Variants in SNTG2 observed in about 807,000 individuals in gnomAD.
SNTG2 encodes gamma-2-syntrophin.
A neutral mutation model predicts 70.9 loss-of-function variants in SNTG2; 74 were observed. The observed-to-expected ratio is 1.04, with a 90% CI of 0.86 to 1.27. The LOEUF (loss-of-function observed/expected upper bound fraction) is 1.27, where lower values mean the gene tolerates loss of function less well. SNTG2 is among the 50% of genes most tolerant of loss of function. The pLI, the probability that SNTG2 is intolerant of heterozygous loss-of-function variation, is 0.00. For synonymous variants in SNTG2, 278 were observed against 273.8 expected, an observed-to-expected ratio of 1.02 and a Z score of -0.15; for missense variants, 717 against 690.7, an observed-to-expected ratio of 1.04 and a Z score of -0.43.
chr2:1,131,130 C>T (rs899157749), intron 4 of SNTG2, among the ~76,000 whole-genome samples: 14 of 152,138 alleles, frequency 9.2e-5, no homozygotes, highest in East Asian at 3.8e-4. Flanking sequence ...GTGGGGTTGA[C>T]GCAGGTTTCC....
chr2:1,286,918 T>C (rs986045473), intron 14 of SNTG2, among the ~76,000 whole-genome samples: 1 of 152,202 alleles, frequency 6.6e-6, no homozygotes, highest in African/African-American at 2.4e-5. Context: ...GTGGCTGTCA[T>C]GACTTGCTCA....
At chr2:990,176 C>A (rs560901208) in intron 1 of SNTG2, among the ~76,000 whole-genome samples, 1 of 152,376 alleles carries the variant, frequency 6.6e-6, no homozygotes, top group Non-Finnish European at 1.5e-5. Context: ...GTTCTCACTG[C>A]CATCAGAGGG....
intron 15 of SNTG2, among the ~76,000 whole-genome samples, chr2:1,314,526 C>T (rs553146258): frequency 7.9e-5 from 12 of 152,184 alleles, no homozygotes; most frequent in Admixed American, 5.9e-4. Flanking sequence ...TCGGGCAGCT[C>T]CCTCACTGGG....
chr2:1,205,294 G>A (rs1416983150), intron 8 of SNTG2, among the ~76,000 whole-genome samples: 1 of 152,156 alleles, frequency 6.6e-6, no homozygotes, highest in Non-Finnish European at 1.5e-5. Flanking sequence ...TTCATTTCCA[G>A]TAACTTTATA....
chr2:1,144,235 AG>A lies in SNTG2; in HGVS notation c.411+6429del, dbSNP rs542357311. The stretch of plus-strand genomic sequence containing the variant: ...CTTTCTGCTTTGAGAAGGGAAATGG[AG>A]GGTTGCTGAGTTGACAACGGACAAC... On this transcript the variant is annotated intron_variant, in intron 6 of 16. Transcript: ENST00000308624. Among the ~76,000 whole-genome samples, 155 of 152,288 alleles carry A rather than the reference AG, an allele frequency of 1.0e-3. 1 individual carries two copies. The highest frequency in any genetic ancestry group is 3.5e-3 in the African/African-American group (147 of 41,556).
intron 14 of SNTG2, among the ~76,000 whole-genome samples, chr2:1,293,940 C>T (rs899952867): frequency 9.9e-5 from 15 of 152,154 alleles, no homozygotes; most frequent in African/African-American, 3.6e-4. Context: ...GTCCTCTAAG[C>T]CTGTGGACTA....
intron 1 of SNTG2, among the ~76,000 whole-genome samples, chr2:1,023,531 C>T (rs1254834901): frequency 2.0e-5 from 3 of 152,044 alleles, no homozygotes; most frequent in African/African-American, 7.2e-5. Flanking sequence ...AAGTTTTATA[C>T]TTAAATGGGT....
intron 11 of SNTG2, among the ~76,000 whole-genome samples, chr2:1,243,941 G>A (rs1028794758): frequency 2.5e-4 from 38 of 152,162 alleles, no homozygotes; most frequent in African/African-American, 8.9e-4. Context: ...CAGGAGAATC[G>A]CTTCAACCCT....
chr2:1,316,641 A>G (rs1220347964), intron 16 of SNTG2, among the ~76,000 whole-genome samples: 1 of 152,260 alleles, frequency 6.6e-6, no homozygotes, highest in Admixed American at 6.5e-5. Context: ...CTGATTAAGC[A>G]TCTGAAATCC....
At chr2:1,177,804 G>A (rs140900544) in intron 8 of SNTG2, among the ~76,000 whole-genome samples, 7 of 152,160 alleles carry the variant, frequency 4.6e-5, no homozygotes, top group Admixed American at 2.0e-4. Flanking sequence ...CACTTCTTGA[G>A]GTGATAAAAG....
At chr2:1,259,538 A>G in intron 13 of SNTG2, 97 bp downstream of exon 13, 1 of 1,009,296 alleles carries the variant, frequency 9.9e-7, no homozygotes, top group Non-Finnish European at 1.5e-6. Context: ...GTCCATTGAA[A>G]TAGTAAAATT....
At chr2:955,199 G>C (rs1660102585) in intron 1 of SNTG2, among the ~76,000 whole-genome samples, 2 of 152,186 alleles carry the variant, frequency 1.3e-5, no homozygotes, top group South Asian at 4.1e-4. Flanking sequence ...ACCTAGATCA[G>C]TGCATGGCCT....
chr2:1,189,427 T>C (rs1031736306), intron 8 of SNTG2, among the ~76,000 whole-genome samples: 8 of 152,194 alleles, frequency 5.3e-5, no homozygotes, highest in Non-Finnish European at 2.9e-5. Flanking sequence ...CAAGGTATTA[T>C]TGAAGCAGGA....
intron 1 of SNTG2, among the ~76,000 whole-genome samples, chr2:1,017,208 A>G (rs186789300): frequency 6.6e-6 from 1 of 152,148 alleles, no homozygotes; most frequent in Non-Finnish European, 1.5e-5. Context: ...CAGTCTTATG[A>G]TCTCTGTTTT....
intron 8 of SNTG2, among the ~76,000 whole-genome samples, chr2:1,185,716 G>C (rs557583688): frequency 1.3e-5 from 2 of 152,316 alleles, no homozygotes; most frequent in East Asian, 3.9e-4. Flanking sequence ...GCACAGGGCA[G>C]CAGGGCCCCG....
At chr2:1,162,052 C>T (rs868210439) in intron 6 of SNTG2, among the ~76,000 whole-genome samples, 54 of 112,708 alleles carry the variant, frequency 4.8e-4, no homozygotes, top group Admixed American at 1.0e-3. Context: ...CCAGCCTGGG[C>T]GACAGTGAGA....
rs1343697168 is a variant in SNTG2 at position 1,098,109 on chromosome 2, G to A, written c.211-87G>A. ...TGGAAATATAATTTAACACGTATTT[G>A]GGTTTAAATGAAGAATTTCTTTTGA... is the stretch of plus-strand genomic sequence containing the variant. On this transcript the variant is annotated intron_variant, in intron 2 of 16. Coordinates refer to ENST00000308624, the MANE Select transcript of SNTG2 (RefSeq NM_018968.4). 74 of 1,388,666 alleles carry A rather than the reference G, an allele frequency of 5.3e-5. 1 individual carries two copies. The South Asian group carries it at 7.2e-4, about 14-fold the overall frequency. The allele number at this position is 1,388,666 out of a possible 1,614,324, so 86.0% of individuals were successfully genotyped here.
intron 4 of SNTG2, among the ~76,000 whole-genome samples, chr2:1,101,539 A>C (rs962597736): frequency 6.6e-6 from 1 of 152,238 alleles, no homozygotes; most frequent in Non-Finnish European, 1.5e-5. Flanking sequence ...TGCAGGAAGC[A>C]GAGCCCCTGG....
At chr2:1,296,753 C>G (rs894871787) in intron 14 of SNTG2, among the ~76,000 whole-genome samples, 1 of 152,344 alleles carries the variant, frequency 6.6e-6, no homozygotes, top group African/African-American at 2.4e-5. Context: ...GACTCCCCAG[C>G]ACGCTCTTTA....
Sources: allele counts gnomAD v4.1 joint callset (sites outside exome capture counted in the v4.1 genomes callset), GRCh38; gene constraint gnomAD v4.1.1; transcripts MANE v1.5; gene names NCBI Gene and HGNC (gene_info 2026-07-23, HGNC 2026-07-21).